Variants in ASTN1 observed in about 807,000 individuals in gnomAD.
ASTN1 encodes astrotactin-1.
A neutral mutation model predicts 140.7 loss-of-function variants in ASTN1; 41 were observed. The ratio of observed to expected loss-of-function variants is 0.29; its 90% CI spans 0.23 to 0.38. The LOEUF is 0.38. Ranked by LOEUF, ASTN1 falls within the 10% of genes least tolerant of loss-of-function variation. The pLI, the probability that ASTN1 is intolerant of heterozygous loss-of-function variation, is 1.00. For missense variants in ASTN1, 1,479 were observed against 1,678.8 expected, an observed-to-expected ratio of 0.88 and a Z score of 2.08; for synonymous variants, 640 against 652.2, an observed-to-expected ratio of 0.98 and a Z score of 0.29.
At chr1:176,912,361 G>A (rs907245674) in intron 16 of ASTN1, among the ~76,000 whole-genome samples, 7 of 152,162 alleles carry the variant, frequency 4.6e-5, no homozygotes, top group African/African-American at 1.7e-4. Context: ...ATTATTTATG[G>A]ATGGTAAAAT....
At chr1:177,115,502 C>A (rs1383641934) in intron 1 of ASTN1, among the ~76,000 whole-genome samples, 2 of 151,834 alleles carry the variant, frequency 1.3e-5, no homozygotes, top group East Asian at 3.9e-4. Flanking sequence ...ACTAAAAATA[C>A]AAAAATTAGC....
intron 7 of ASTN1, among the ~76,000 whole-genome samples, chr1:177,015,169 G>A (rs1471837277): frequency 6.6e-6 from 1 of 152,114 alleles, no homozygotes; most frequent in Non-Finnish European, 1.5e-5. Context: ...ACAATTCTTT[G>A]AGGAAAAGGA....
chr1:177,008,604 G>C (rs1558028173), intron 8 of ASTN1, among the ~76,000 whole-genome samples: 1 of 151,012 alleles, frequency 6.6e-6, no homozygotes, highest in Non-Finnish European at 1.5e-5. Context: ...AGGAAGAGAA[G>C]AAGAAGGAGG....
At chr1:176,948,013 G>A (rs1390705163) in intron 12 of ASTN1, among the ~76,000 whole-genome samples, 1 of 152,214 alleles carries the variant, frequency 6.6e-6, no homozygotes, top group Non-Finnish European at 1.5e-5. Context: ...TTTATGGTAT[G>A]AGAGTTTACA....
At chr1:177,048,388 C>A (rs1253694089) in intron 2 of ASTN1, among the ~76,000 whole-genome samples, 1 of 152,138 alleles carries the variant, frequency 6.6e-6, no homozygotes, top group Admixed American at 6.5e-5. Context: ...GCAGAGTCCA[C>A]CATCCTACCA....
chr1:176,942,381 C>T (rs1571543857), intron 14 of ASTN1, among the ~76,000 whole-genome samples: 3 of 152,094 alleles, frequency 2.0e-5, no homozygotes. Context: ...CTGTTAATCA[C>T]TATGCTATAT....
At chr1:176,968,625 G>C (rs374948155) in intron 8 of ASTN1, among the ~76,000 whole-genome samples, 1 of 152,302 alleles carries the variant, frequency 6.6e-6, no homozygotes, top group South Asian at 2.1e-4. Flanking sequence ...GAATAAAGGG[G>C]AATTTACCTA....
chr1:177,125,194 G>T (rs1175038002), intron 1 of ASTN1, among the ~76,000 whole-genome samples: 1 of 152,210 alleles, frequency 6.6e-6, no homozygotes, highest in African/African-American at 2.4e-5. Context: ...GAAGTAGTTA[G>T]AGATTTTACG....
intron 1 of ASTN1, among the ~76,000 whole-genome samples, chr1:177,134,336 G>A (rs1230174261): frequency 6.6e-6 from 1 of 152,128 alleles, no homozygotes; most frequent in Admixed American, 6.5e-5. Flanking sequence ...TCCATTGCAC[G>A]GGTCTAATCA....
intron 5 of ASTN1, among the ~76,000 whole-genome samples, chr1:177,024,966 G>A (rs1276609785): frequency 6.6e-6 from 1 of 152,170 alleles, no homozygotes; most frequent in African/African-American, 2.4e-5. Context: ...GTCAATAATA[G>A]TCTGTTGGCC....
intron 1 of ASTN1, among the ~76,000 whole-genome samples, chr1:177,110,873 G>T (rs1013968325): frequency 2.6e-5 from 4 of 152,142 alleles, no homozygotes; most frequent in African/African-American, 9.7e-5. Context: ...TCTAATATAG[G>T]ATCAATGGAC....
chr1:176,913,907 G>T (rs564657457), intron 16 of ASTN1, among the ~76,000 whole-genome samples: 7 of 152,298 alleles, frequency 4.6e-5, no homozygotes, highest in African/African-American at 1.4e-4. Flanking sequence ...ACCAACATTT[G>T]GTTCACAAGC....
intron 1 of ASTN1, among the ~76,000 whole-genome samples, chr1:177,129,474 A>T: frequency 6.6e-6 from 1 of 152,348 alleles, no homozygotes; most frequent in East Asian, 1.9e-4. Context: ...AAGCACTGTC[A>T]ACTCAAATCT....
intron 1 of ASTN1, among the ~76,000 whole-genome samples, chr1:177,144,516 T>G (rs1682633407): frequency 1.3e-5 from 2 of 149,010 alleles, no homozygotes; most frequent in Admixed American, 1.4e-4. Context: ...CCTCCCAAAG[T>G]GCTGGGATTA....
At position 176,861,822 on chromosome 1, in the gene ASTN1, A is replaced by AG; in HGVS notation, c.*2461dup. 1.0e-6 allele frequency: 1 copy of AG among 985,420 alleles called. No homozygotes were observed. Among genetic ancestry groups the AG allele is most frequent in the South Asian group, 4.7e-5 (1 of 21,270 alleles). The allele number at this position is 985,420 out of a possible 1,614,324, so 61.0% of individuals were successfully genotyped here. ...AAGAAGTAAAAGACAAAGATAAAGA[A>AG]GGTAGAGGAACTTGGGAGACTGAGG... is the stretch of plus-strand genomic sequence containing the variant. On this transcript the variant is annotated 3_prime_UTR_variant, in exon 23 of 23. Transcript: ENST00000361833.
intron 21 of ASTN1, among the ~76,000 whole-genome samples, chr1:176,874,707 TTA>T (rs1668489374): frequency 1.3e-5 from 2 of 152,182 alleles, no homozygotes; most frequent in Admixed American, 6.5e-5. Flanking sequence ...CTGAATATTA[TTA>T]TATGCCAGGC....
At chr1:176,950,427 T>C (rs906405351) in intron 11 of ASTN1, among the ~76,000 whole-genome samples, 1 of 152,192 alleles carries the variant, frequency 6.6e-6, no homozygotes, top group African/African-American at 2.4e-5. Context: ...GTTTACACAG[T>C]AGTCACCGTT....
rs187251287 is a variant in ASTN1 at position 177,047,591 on chromosome 1, G to T, written c.471+13487C>A. 5.9e-3 allele frequency among the ~76,000 whole-genome samples: 901 copies of T among 152,302 alleles called. 3 individuals are homozygous for T. The highest frequency in any genetic ancestry group is 0.044 in the Middle Eastern group (13 of 294). On this transcript the variant is annotated intron_variant, in intron 2 of 22. Coordinates refer to ENST00000361833, the MANE Select transcript of ASTN1 (RefSeq NM_004319.3). The stretch of plus-strand genomic sequence containing the variant: ...AGGGAATTTTTTTAAGGGAAACAAG[G>T]CAGAAGACAAGAGTGAAGAGGATGG...
chr1:176,876,830 G>A (rs903202302), intron 20 of ASTN1, among the ~76,000 whole-genome samples, 193 bp from the exon 21 acceptor site: 9 of 152,192 alleles, frequency 5.9e-5, no homozygotes, highest in African/African-American at 2.2e-4. Flanking sequence ...CTGCTTCCTA[G>A]TGGGTCTTGG....
Sources: allele counts gnomAD v4.1 joint callset (sites outside exome capture counted in the v4.1 genomes callset), GRCh38; gene constraint gnomAD v4.1.1; transcripts MANE v1.5; gene names NCBI Gene and HGNC (gene_info 2026-07-23, HGNC 2026-07-21).